Variants in PARG observed in about 807,000 individuals in gnomAD.
The protein encoded by PARG is poly(ADP-ribose) glycohydrolase.
Under a neutral mutation model 113.0 loss-of-function variants are expected in PARG, and 35 were observed. The observed-to-expected ratio is 0.31, with a 90% CI of 0.24 to 0.41. PARG has a LOEUF of 0.41. Ranked by LOEUF, PARG falls within the 10% of genes least tolerant of loss-of-function variation. PARG has a pLI of 1.00. For missense variants in PARG, 797 were observed against 1,169.4 expected (o/e 0.68, Z 4.64); for synonymous variants, 330 against 409.9 (o/e 0.81, Z 2.36).
At chr10:49,821,229 T>C (rs1386277983) in intron 16 of PARG, among the ~76,000 whole-genome samples, 4 of 152,206 alleles carry the variant, frequency 2.6e-5, no homozygotes, top group African/African-American at 7.2e-5. Context: ...GCCTGAAGTA[T>C]GTTTCCGAAA....
intron 7 of PARG, among the ~76,000 whole-genome samples, chr10:49,914,233 T>C (rs1837344495): frequency 6.6e-6 from 1 of 152,234 alleles, no homozygotes; most frequent in African/African-American, 2.4e-5. Flanking sequence ...CTTACCCCAA[T>C]TAACCATCAT....
At chr10:49,823,042 C>A (rs1369140655) in intron 16 of PARG, among the ~76,000 whole-genome samples, 1 of 152,084 alleles carries the variant, frequency 6.6e-6, no homozygotes, top group Non-Finnish European at 1.5e-5. Context: ...ATTAGGTCAT[C>A]TGACAAAATG....
intron 1 of PARG, among the ~76,000 whole-genome samples, 152 bp downstream of exon 1, chr10:49,941,357 C>G (rs1256947755): frequency 2.0e-5 from 3 of 152,176 alleles, no homozygotes; most frequent in Non-Finnish European, 4.4e-5. Context: ...CCCCATTCAC[C>G]CACTAGTGGC....
intron 6 of PARG, among the ~76,000 whole-genome samples, chr10:49,916,697 C>T (rs1377306735): frequency 6.6e-6 from 1 of 152,110 alleles, no homozygotes; most frequent in Non-Finnish European, 1.5e-5. Flanking sequence ...AGGCAATCCA[C>T]TAGATGTGCA....
chr10:49,838,170 C>T (rs1490430877), intron 15 of PARG, among the ~76,000 whole-genome samples: 1 of 152,116 alleles, frequency 6.6e-6, no homozygotes, highest in Non-Finnish European at 1.5e-5. Context: ...GTGCCTCACG[C>T]CTGTAATCCC....
At chr10:49,927,333 A>AGAAGGAAG (rs200241862) in intron 4 of PARG, among the ~76,000 whole-genome samples, 4 of 137,792 alleles carry the variant, frequency 2.9e-5, no homozygotes, top group African/African-American at 1.2e-4. Context: ...AAAGAAGGAA[A>AGAAGGAAG]GAAGGAAGGA....
chr10:49,921,426 CTTTT>C (rs1229276734), intron 6 of PARG, among the ~76,000 whole-genome samples: 1 of 151,810 alleles, frequency 6.6e-6, no homozygotes, highest in East Asian at 1.9e-4. Context: ...CTTTTCTTTT[CTTTT>C]TTTAAAAAAA....
intron 16 of PARG, among the ~76,000 whole-genome samples, chr10:49,828,247 G>C (rs1844472004): frequency 6.6e-6 from 1 of 152,030 alleles, no homozygotes; most frequent in South Asian, 2.1e-4. Flanking sequence ...CCTCTGAGAA[G>C]ATAAAACACA....
rs988736309 is a variant in PARG at position 49,822,518 on chromosome 10, C to T, written c.2648-2225G>A. ...ACAAAAAACAGACGGGCCAGCTCTT[C>T]CCCACAGGAGAAAGCCAAAGACTAA... On this transcript the variant is annotated intron_variant, in intron 16 of 17. Transcript: ENST00000616448. 4.3e-4 allele frequency among the ~76,000 whole-genome samples: 66 copies of T among 152,304 alleles called. 1 individual carries two copies. The highest frequency in any genetic ancestry group is 1.4e-3 in the African/African-American group (60 of 41,570).
intron 16 of PARG, among the ~76,000 whole-genome samples, chr10:49,821,226 G>A (rs1844060435): frequency 1.3e-5 from 2 of 152,152 alleles, no homozygotes; most frequent in African/African-American, 4.8e-5. Flanking sequence ...TGAGCCTGAA[G>A]TATGTTTCCG....
intron 16 of PARG, among the ~76,000 whole-genome samples, chr10:49,826,787 T>G (rs372968772): frequency 6.6e-6 from 1 of 152,190 alleles, no homozygotes; most frequent in East Asian, 1.9e-4. Context: ...TTTTGTGGCA[T>G]TTTAAAACTA....
At position 49,915,663 on chromosome 10, in the gene PARG, T is replaced by C. The variant is rs576518172; in HGVS notation, c.1737+254A>G. Among the ~76,000 whole-genome samples, 196 of 152,236 alleles carry C rather than the reference T, an allele frequency of 1.3e-3. 1 individual carries two copies. Among genetic ancestry groups the C allele is most frequent in the African/African-American group, 4.5e-3 (186 of 41,552 alleles). ...CCATTATATTCTCAAAATCTAATCA[T>C]GGACTATTATACATTCCTTGATAAT... On this transcript the variant is annotated intron_variant, in intron 7 of 17. Transcript: ENST00000616448.
At chr10:49,879,011 G>T (rs1554838925) in intron 9 of PARG, among the ~76,000 whole-genome samples, 1 of 152,194 alleles carries the variant, frequency 6.6e-6, no homozygotes. Flanking sequence ...ATTTTTGTTT[G>T]TGTAGAAGAT....
chr10:49,830,787 T>C (rs1270987147), intron 16 of PARG, among the ~76,000 whole-genome samples: 1 of 152,108 alleles, frequency 6.6e-6, no homozygotes, highest in Non-Finnish European at 1.5e-5. Flanking sequence ...CCTTTCAGAG[T>C]GAAATCTACA....
chr10:49,896,461 T>G (rs146995580), intron 7 of PARG, among the ~76,000 whole-genome samples: 698 of 152,248 alleles, frequency 4.6e-3, no homozygotes, highest in East Asian at 0.018. Flanking sequence ...ATTTTTGTAA[T>G]TTTAGTAGAG....
At chr10:49,840,964 T>G (rs1235444741) in intron 15 of PARG, among the ~76,000 whole-genome samples, 2 of 152,094 alleles carry the variant, frequency 1.3e-5, no homozygotes, top group African/African-American at 2.4e-5. Flanking sequence ...CTAAAGAAAA[T>G]CTCTAGGCTG....
intron 7 of PARG, among the ~76,000 whole-genome samples, chr10:49,892,513 T>C (rs1182382095): frequency 2.0e-5 from 3 of 152,168 alleles, no homozygotes; most frequent in African/African-American, 7.2e-5. Flanking sequence ...TGCTACACAG[T>C]ATTCCAAAGT....
intron 13 of PARG, among the ~76,000 whole-genome samples, chr10:49,845,646 C>T (rs1474450252): frequency 1.3e-5 from 2 of 151,986 alleles, no homozygotes; most frequent in Non-Finnish European, 2.9e-5. Context: ...CCTGTAATCC[C>T]AGCACTTTGG....
intron 13 of PARG, among the ~76,000 whole-genome samples, chr10:49,856,530 T>C (rs61846912): frequency 0.17 from 26,290 of 151,506 alleles, 1,017 homozygotes; most frequent in Non-Finnish European, 0.24. Flanking sequence ...AAACAAAAGG[T>C]TACTGATTTC....
Sources: gnomAD v4.1 joint callset for allele counts (sites outside exome capture counted in the v4.1 genomes callset) on GRCh38, gnomAD v4.1.1 for gene constraint, MANE v1.5 for transcripts, NCBI Gene and HGNC (gene_info 2026-07-23, HGNC 2026-07-21) for gene names.